Variants in SFXN2 observed in about 807,000 individuals in gnomAD.
The protein encoded by SFXN2 is sideroflexin-2.
In SFXN2, 37 loss-of-function variants were observed where a neutral mutation model predicts 41.9. The ratio of observed to expected loss-of-function variants is 0.88; its 90% CI spans 0.68 to 1.16. SFXN2 has a LOEUF of 1.16. Among genes scored for constraint, SFXN2 ranks in the 50% most tolerant of loss-of-function variants. The pLI is 0.00. For synonymous variants in SFXN2, 150 were observed against 156.7 expected, an observed-to-expected ratio of 0.96 and a Z score of 0.32; for missense variants, 386 against 425.2, an observed-to-expected ratio of 0.91 and a Z score of 0.81.
Position 102,726,737 on chromosome 10 carries a change from G to T in SFXN2, c.101G>T (p.Arg34Leu), listed in dbSNP as rs201929596. The part of the protein sequence containing the change: ...VKHFLNITDP[R>L]TVFVSERELD... Reference sequence around the variant, plus strand: ...CACTTCCTAAACATCACGGACCCCCGCACTGTCTTTGTATCTGAGCGGGAG... The same window carrying T: ...CACTTCCTAAACATCACGGACCCCCTCACTGTCTTTGTATCTGAGCGGGAG... The change falls in exon 2 of 12, where the codon CGC becomes CTC. Residue 34 changes from arginine (R) to leucine (L), a missense_variant. Transcript: ENST00000369893. 1 of 1,614,218 alleles carries T rather than the reference G, an allele frequency of 6.2e-7. No homozygotes were observed. Among genetic ancestry groups the T allele is most frequent in the Non-Finnish European group, 8.5e-7 (1 of 1,180,044 alleles).
In SFXN2 at chr10:102,732,164, A is replaced by G. The variant is rs112697998; in HGVS notation, c.667A>G (p.Ile223Val). ...TTTCTGCCCTCAGAGAGCTGCGGCC[A>G]TAGGCATCACCCAAGTAGTTATTTC... ...EIGHSRRAAA[I>V]GITQVVISRI... Residue 223 changes from isoleucine (I) to valine (V), a missense_variant, in exon 8 of 12, where the codon ATA becomes GTA. By Grantham distance (29) the Ile-to-Val change is conservative (BLOSUM62 3). Transcript: ENST00000369893. 9.0e-5 allele frequency: 145 copies of G among 1,614,038 alleles called. 1 individual carries two copies. The African/African-American group carries it at 1.4e-3, about 16-fold the overall frequency.
chr10:102,730,610 C>A (rs1248342504), intron 6 of SFXN2, among the ~76,000 whole-genome samples: 1 of 152,132 alleles, frequency 6.6e-6, no homozygotes, highest in Non-Finnish European at 1.5e-5. Context: ...GTCCCTGCCA[C>A]CTACCGGGGC....
At chr10:102,720,816 G>C (rs1380641139) in intron 1 of SFXN2, among the ~76,000 whole-genome samples, 1 of 152,080 alleles carries the variant, frequency 6.6e-6, no homozygotes, top group Non-Finnish European at 1.5e-5. Flanking sequence ...TCCCTCTCTG[G>C]TATATTCCAG....
intron 4 of SFXN2, 24 bp from the exon 5 acceptor site, chr10:102,729,295 C>T (rs780322621): frequency 7.4e-6 from 12 of 1,612,890 alleles, no homozygotes; most frequent in Non-Finnish European, 1.0e-5. Context: ...GGCCCCACTC[C>T]CAAGCATCTC....
At chr10:102,719,207 G>C (rs925697186) in intron 1 of SFXN2, among the ~76,000 whole-genome samples, 2 of 151,292 alleles carry the variant, frequency 1.3e-5, no homozygotes, top group Admixed American at 1.3e-4. Flanking sequence ...ACAGGCATGA[G>C]CCACCGTGCC....
In SFXN2 at chr10:102,737,786, G is replaced by C. The variant is rs777335034; in HGVS notation, c.*24G>C. The C allele has an allele frequency of 6.6e-7, 1 of 1,517,300 alleles. No individual in the cohort carries two copies. The highest frequency in any genetic ancestry group is 9.1e-7 in the Non-Finnish European group (1 of 1,094,630). The allele number at this position is 1,517,300 out of a possible 1,614,324, so 94.0% of individuals were successfully genotyped here. ...AAATGCCCCACTTCAGCAAGGACCA[G>C]TCTATTCCCATATTCACCAGCTCCT... On this transcript the variant is annotated 3_prime_UTR_variant, in exon 12 of 12. Transcript: ENST00000369893.
intron 9 of SFXN2, 105 bp from the exon 10 acceptor site, chr10:102,733,449 C>T: frequency 1.1e-6 from 1 of 906,502 alleles, no homozygotes; most frequent in African/African-American, 1.6e-5. Context: ...CGCCCAGCCA[C>T]CTGTGGGCTT....
chr10:102,730,862 C>T (rs1362100457), intron 6 of SFXN2, among the ~76,000 whole-genome samples: 2 of 152,094 alleles, frequency 1.3e-5, no homozygotes, highest in East Asian at 1.9e-4. Flanking sequence ...CTGAGGTGGG[C>T]GGATCACGAG....
intron 8 of SFXN2, among the ~76,000 whole-genome samples, 161 bp from the exon 9 acceptor site, chr10:102,732,698 G>C (rs929051227): frequency 6.6e-6 from 1 of 152,146 alleles, no homozygotes; most frequent in Non-Finnish European, 1.5e-5. Flanking sequence ...AAAGTTTGGG[G>C]GTGGTCATGC....
chr10:102,723,509 C>T (rs2064542290), intron 1 of SFXN2, among the ~76,000 whole-genome samples: 1 of 152,156 alleles, frequency 6.6e-6, no homozygotes, highest in African/African-American at 2.4e-5. Context: ...GCCTCGGCCT[C>T]CCAAAGTGTT....
chr10:102,724,915 T>TTG (rs2064567517), intron 1 of SFXN2: 1 of 145,928 alleles, frequency 6.9e-6, no homozygotes, highest in South Asian at 2.1e-4. Flanking sequence ...CAAACTGCGT[T>TTG]TTTTTTTTTT....
intron 1 of SFXN2, chr10:102,717,625 C>T (rs2064436750): frequency 3.9e-6 from 1 of 254,810 alleles, no homozygotes; most frequent in African/African-American, 2.3e-5. Flanking sequence ...ATTTAGAGAC[C>T]AGTATGACTT....
At chr10:102,730,830 G>A (rs185929425) in intron 6 of SFXN2, among the ~76,000 whole-genome samples, 1 of 152,350 alleles carries the variant, frequency 6.6e-6, no homozygotes, top group East Asian at 1.9e-4. Flanking sequence ...GCTCACGCCT[G>A]TAATCCCAGC....
intron 7 of SFXN2, 26 bp from the exon 8 acceptor site, chr10:102,732,126 G>A: frequency 6.2e-7 from 1 of 1,607,792 alleles, no homozygotes; most frequent in Non-Finnish European, 8.5e-7. Flanking sequence ...CATCATTTCT[G>A]ACAACTTACT....
intron 11 of SFXN2, 117 bp from the exon 12 acceptor site, chr10:102,737,546 G>A (rs1207980838): frequency 1.0e-5 from 7 of 688,820 alleles, no homozygotes; most frequent in Non-Finnish European, 1.9e-5. Context: ...GTATACAGAG[G>A]CCAATAATAA....
At chr10:102,717,839 A>T (rs2064440206) in intron 1 of SFXN2, 1 of 963,058 alleles carries the variant, frequency 1.0e-6, no homozygotes, top group Non-Finnish European at 1.2e-6. Flanking sequence ...CATCACAGAC[A>T]TGATCCCGAT....
chr10:102,736,065 C>T (rs2064772956), intron 11 of SFXN2, among the ~76,000 whole-genome samples, 156 bp downstream of exon 11: 1 of 152,144 alleles, frequency 6.6e-6, no homozygotes, highest in African/African-American at 2.4e-5. Flanking sequence ...GCCTCTTAAC[C>T]CTGGTGAATT....
At chr10:102,722,121 T>C (rs1449019317) in intron 1 of SFXN2, among the ~76,000 whole-genome samples, 2 of 152,334 alleles carry the variant, frequency 1.3e-5, no homozygotes, top group Non-Finnish European at 2.9e-5. Context: ...ATATCTGATC[T>C]TGTCACTCTT....
chr10:102,732,004 G>C, intron 7 of SFXN2, 148 bp from the exon 8 acceptor site: 1 of 806,028 alleles, frequency 1.2e-6, no homozygotes. Flanking sequence ...AGGTGGGAGG[G>C]GATAAAGTGA....
Sources: gnomAD v4.1 joint callset for allele counts (sites outside exome capture counted in the v4.1 genomes callset) on GRCh38, gnomAD v4.1.1 for gene constraint, MANE v1.5 for transcripts, NCBI Gene and HGNC (gene_info 2026-07-23, HGNC 2026-07-21) for gene names.